Variants in DCLRE1C observed in about 807,000 individuals in gnomAD.
DCLRE1C encodes protein artemis.
In DCLRE1C, 47 loss-of-function variants were observed where a neutral mutation model predicts 61.4. That is an observed-to-expected ratio of 0.77 (90% CI 0.61 to 0.98). The LOEUF (loss-of-function observed/expected upper bound fraction) is 0.98, where lower values mean the gene tolerates loss of function less well. Ranked by LOEUF, DCLRE1C falls within the 50% of genes least tolerant of loss-of-function variation. The probability of loss-of-function intolerance (pLI) is 0.00; values close to 1 mark genes in which losing one functional copy is unlikely to be tolerated. For missense variants in DCLRE1C, 858 were observed against 816.0 expected (o/e 1.05, Z -0.63); for synonymous variants, 337 against 287.6 (o/e 1.17, Z -1.74).
At chr10:14,942,676 G>A (rs1294423490) in intron 3 of DCLRE1C, among the ~76,000 whole-genome samples, 1 of 152,232 alleles carries the variant, frequency 6.6e-6, no homozygotes, top group East Asian at 1.9e-4. Flanking sequence ...TGGCTTAAGA[G>A]AGAGTAGGAG....
chr10:14,948,814 T>C (rs1262624372), intron 2 of DCLRE1C, among the ~76,000 whole-genome samples: 2 of 150,410 alleles, frequency 1.3e-5, no homozygotes, highest in African/African-American at 2.5e-5. Flanking sequence ...CAGCCAAAGC[T>C]AACCCATGAT....
intron 13 of DCLRE1C, among the ~76,000 whole-genome samples, chr10:14,915,574 TAACTC>T (rs1836044285): frequency 6.6e-6 from 1 of 151,200 alleles, no homozygotes; most frequent in Non-Finnish European, 1.5e-5. Flanking sequence ...TTACCAAAGT[TAACTC>T]AATAAAAAAA....
At chr10:14,939,080 C>T (rs985414289) in intron 4 of DCLRE1C, among the ~76,000 whole-genome samples, 5 of 152,222 alleles carry the variant, frequency 3.3e-5, no homozygotes, top group Non-Finnish European at 7.4e-5. Context: ...TTATAAAAGA[C>T]ACCCAGGGGA....
At position 14,924,128 on chromosome 10, in the gene DCLRE1C, C is replaced by T. The variant is rs41299644; in HGVS notation, c.973-1059G>A. Among the ~76,000 whole-genome samples the T allele has an allele frequency of 7.9e-3, 1,203 of 152,332 alleles. 23 individuals carry two copies. Among genetic ancestry groups the T allele is most frequent in the African/African-American group, 0.027 (1,131 of 41,572 alleles). On this transcript the variant is annotated intron_variant, in intron 11 of 13. Coordinates refer to ENST00000378278, the MANE Select transcript of DCLRE1C (RefSeq NM_001033855.3). The stretch of plus-strand genomic sequence containing the variant: ...TACGAAGCAGAGAAAGATGTTTCCA[C>T]ACAAGGTACTGAGCTGCCGCAGGCT...
chr10:14,950,962 C>T (rs1423619547), intron 1 of DCLRE1C, among the ~76,000 whole-genome samples: 2 of 152,196 alleles, frequency 1.3e-5, no homozygotes, highest in Non-Finnish European at 2.9e-5. Context: ...GTCGGGGGGC[C>T]CTCTCATCTT....
chr10:14,932,521 C>T (rs1839186518), intron 9 of DCLRE1C, among the ~76,000 whole-genome samples: 1 of 152,020 alleles, frequency 6.6e-6, no homozygotes, highest in Non-Finnish European at 1.5e-5. Flanking sequence ...CCTGTAGTCC[C>T]AGCTACTCAG....
Position 14,908,755 on chromosome 10 carries a change from A to G in DCLRE1C, c.1732T>C (p.Tyr578His), listed in dbSNP as rs370816642. Reference protein sequence around the residue: ...GDITSLDKADYRPTIKENIPA... With the variant: ...GDITSLDKADHRPTIKENIPA... ...ATATTCTCTTTGATTGTTGGTCTGT[A>G]GTCAGCTTTGTCCAAGGAAGTAATA... Residue 578 changes from tyrosine to histidine, a missense_variant, in exon 14 of 14, where the codon TAC becomes CAC. Around this residue, in one of 2 missense-constraint regions of DCLRE1C, gnomAD observed 843 missense variants for 783.5 expected, o/e 1.08. Coordinates refer to ENST00000378278, the MANE Select transcript of DCLRE1C (RefSeq NM_001033855.3). 3.7e-6 allele frequency: 6 copies of G among 1,614,218 alleles called. No individual in the cohort carries two copies. The highest frequency in any genetic ancestry group is 5.1e-6 in the Non-Finnish European group (6 of 1,180,038).
intron 13 of DCLRE1C, chr10:14,911,421 C>G (rs1040686430): frequency 6.6e-6 from 1 of 152,156 alleles, no homozygotes; most frequent in Non-Finnish European, 1.5e-5. Context: ...TTTTAGAAAT[C>G]CCAAAATTAT....
chr10:14,952,018 C>T (rs1469169122), intron 1 of DCLRE1C, among the ~76,000 whole-genome samples: 3 of 152,134 alleles, frequency 2.0e-5, no homozygotes, highest in African/African-American at 7.2e-5. Flanking sequence ...CTAAGCAGAT[C>T]CACATGTGGT....
At chr10:14,953,596 A>G (rs1842771791) in intron 1 of DCLRE1C, among the ~76,000 whole-genome samples, 1 of 152,026 alleles carries the variant, frequency 6.6e-6, no homozygotes, top group African/African-American at 2.4e-5. Flanking sequence ...GCTCTGAGGG[A>G]AGTACTAACC....
intron 4 of DCLRE1C, among the ~76,000 whole-genome samples, chr10:14,938,587 A>C (rs1299337007): frequency 6.6e-6 from 1 of 152,190 alleles, no homozygotes; most frequent in Non-Finnish European, 1.5e-5. Flanking sequence ...CCAGCTGTAA[A>C]GGTTAAAAAA....
chr10:14,901,828 GA>G (rs1042550298), downstream of DCLRE1C, among the ~76,000 whole-genome samples: 5 of 145,314 alleles, frequency 3.4e-5, no homozygotes, highest in South Asian at 4.5e-4. Flanking sequence ...GACCCTGTCT[GA>G]AAAAAAAAAC....
At chr10:14,928,475 CT>C (rs1259722329) in intron 9 of DCLRE1C, among the ~76,000 whole-genome samples, 6 of 152,184 alleles carry the variant, frequency 3.9e-5, no homozygotes, top group Non-Finnish European at 5.9e-5. Flanking sequence ...CTGGATGCCC[CT>C]GTCCCCCTAT....
intron 2 of DCLRE1C, among the ~76,000 whole-genome samples, chr10:14,948,796 T>C (rs1427732052): frequency 6.9e-6 from 1 of 144,768 alleles, no homozygotes; most frequent in Non-Finnish European, 1.5e-5. Flanking sequence ...ATATATCAAG[T>C]TCACAAACAG....
At chr10:14,931,128 G>T (rs953720693) in intron 9 of DCLRE1C, among the ~76,000 whole-genome samples, 12 of 152,182 alleles carry the variant, frequency 7.9e-5, no homozygotes, top group Admixed American at 7.9e-4. Context: ...GAAAAATAAT[G>T]ATCACTCAAA....
chr10:14,935,508 G>A lies in DCLRE1C; in HGVS notation c.419C>T (p.Ala140Val), dbSNP rs41297016. The change falls in exon 6 of 14, where the codon GCG (alanine) becomes GTG (valine). Residue 140 changes from alanine to valine, a missense_variant. Physicochemically the swap from Ala to Val is moderately conservative, Grantham distance 64 (BLOSUM62 0). Coordinates refer to ENST00000378278, the MANE Select transcript of DCLRE1C (RefSeq NM_001033855.3). Reference sequence around the variant, plus strand: ...CTCCATTCTAGCAGCTTCTCCTTGCGCCAATCTGAAGTCTCCTGTGTACAG... The same window carrying A: ...CTCCATTCTAGCAGCTTCTCCTTGCACCAATCTGAAGTCTCCTGTGTACAG... ...TVLYTGDFRL[A>V]QGEAARMELL... 1.2e-4 allele frequency: 197 copies of A among 1,614,016 alleles called. No individual in the cohort carries two copies. The African/African-American group carries it at 1.8e-3, about 15-fold the overall frequency.
intron 9 of DCLRE1C, 142 bp downstream of exon 9, chr10:14,932,706 ACAGTTC>A (rs1839228720): frequency 8.1e-6 from 7 of 861,208 alleles, no homozygotes; most frequent in African/African-American, 1.7e-5. Flanking sequence ...ATGGCAATGT[ACAGTTC>A]CATGACCTTG....
chr10:14,912,049 T>C (rs1835345960), intron 13 of DCLRE1C, among the ~76,000 whole-genome samples: 2 of 152,206 alleles, frequency 1.3e-5, no homozygotes, highest in African/African-American at 4.8e-5. Flanking sequence ...ATTGACCATA[T>C]GTTATGAACT....
intron 1 of DCLRE1C, 140 bp downstream of exon 1, chr10:14,953,762 C>A: frequency 7.9e-7 from 1 of 1,259,992 alleles, no homozygotes; most frequent in Admixed American, 2.2e-5. Flanking sequence ...CTGAAGAGCC[C>A]GACTGGGACA....
Sources: gnomAD v4.1 joint callset for allele counts (sites outside exome capture counted in the v4.1 genomes callset) on GRCh38, gnomAD v4.1.1 for gene constraint, gnomAD v4.1.1 regional missense constraint, MANE v1.5 for transcripts, NCBI Gene and HGNC (gene_info 2026-07-23, HGNC 2026-07-21) for gene names.